NARS2: variants seen among roughly 807,000 people sequenced by gnomAD.
NARS2 encodes the protein asparaginyl-tRNA synthetase 2, mitochondrial, also known as asparaginyl-tRNA synthetase.
In NARS2, 60 loss-of-function variants were observed where a neutral mutation model predicts 62.9. The ratio of observed to expected loss-of-function variants is 0.95; its 90% CI spans 0.77 to 1.18. NARS2 has a LOEUF of 1.18. Among genes scored for constraint, NARS2 ranks in the 50% most tolerant of loss-of-function variants. NARS2 has a pLI of 0.00. For synonymous variants in NARS2, 196 were observed against 200.0 expected (o/e 0.98, Z 0.17); for missense variants, 619 against 576.4 (o/e 1.07, Z -0.76).
At chr11:78,570,335 T>C (rs1273702357) in intron 2 of NARS2, among the ~76,000 whole-genome samples, 4 of 152,236 alleles carry the variant, frequency 2.6e-5, no homozygotes, top group East Asian at 3.9e-4. Context: ...TCTAACAAAT[T>C]AGAATAATGT....
intron 11 of NARS2, among the ~76,000 whole-genome samples, chr11:78,454,127 GACA>G (rs113081078): frequency 0.045 from 6,828 of 152,184 alleles, 449 homozygotes; most frequent in African/African-American, 0.15. Context: ...CTTGAGAGAG[GACA>G]ACATTTCAGT....
chr11:78,553,822 G>A (rs1856223612), intron 5 of NARS2, among the ~76,000 whole-genome samples: 1 of 151,970 alleles, frequency 6.6e-6, no homozygotes, highest in African/African-American at 2.4e-5. Flanking sequence ...TGAAATCTCT[G>A]CCAGGATGGT....
chr11:78,487,407 AAG>A (rs1859628685), intron 7 of NARS2, among the ~76,000 whole-genome samples: 1 of 151,882 alleles, frequency 6.6e-6, no homozygotes, highest in Admixed American at 6.6e-5. Flanking sequence ...GAAAGAAAGA[AAG>A]AAAGACAGAC....
intron 4 of NARS2, among the ~76,000 whole-genome samples, chr11:78,561,107 A>G (rs1856543176): frequency 6.6e-6 from 1 of 152,300 alleles, no homozygotes; most frequent in Non-Finnish European, 1.5e-5. Flanking sequence ...TTTTTTTTAA[A>G]TCACACACCT....
chr11:78,525,864 C>G (rs970355044), intron 6 of NARS2, among the ~76,000 whole-genome samples: 6 of 152,112 alleles, frequency 3.9e-5, no homozygotes, highest in Middle Eastern at 3.2e-3. Flanking sequence ...ACGGGACAAG[C>G]CTTCGCCTCT....
chr11:78,441,267 G>A (rs1466758051), intron 12 of NARS2, 150 bp from the exon 13 acceptor site: 8 of 617,130 alleles, frequency 1.3e-5, no homozygotes, highest in Non-Finnish European at 1.9e-5. Flanking sequence ...TATAGTTGAG[G>A]AGCTGAAACC....
At chr11:78,565,213 C>T (rs1856703737) in intron 4 of NARS2, among the ~76,000 whole-genome samples, 1 of 152,090 alleles carries the variant, frequency 6.6e-6, no homozygotes. Flanking sequence ...GACAAAATGT[C>T]CTTAGTCATT....
chr11:78,554,946 A>G (rs1025231789), intron 5 of NARS2, among the ~76,000 whole-genome samples: 18 of 152,186 alleles, frequency 1.2e-4, no homozygotes, highest in Non-Finnish European at 5.9e-5. Context: ...TTCCTTCAAT[A>G]TCTAGTTTAT....
At chr11:78,452,490 C>G (rs2135168137) in intron 11 of NARS2, among the ~76,000 whole-genome samples, 1 of 152,256 alleles carries the variant, frequency 6.6e-6, no homozygotes, top group East Asian at 1.9e-4. Flanking sequence ...TCAATGCCGC[C>G]TTGACCTCCC....
chr11:78,534,141 T>C (rs1380803613), intron 5 of NARS2, among the ~76,000 whole-genome samples: 1 of 152,236 alleles, frequency 6.6e-6, no homozygotes, highest in East Asian at 1.9e-4. Flanking sequence ...TTTGTGTGGA[T>C]ATAAGTTTTC....
intron 7 of NARS2, among the ~76,000 whole-genome samples, chr11:78,482,818 A>G (rs1236559698): frequency 6.6e-6 from 1 of 152,200 alleles, no homozygotes; most frequent in Non-Finnish European, 1.5e-5. Context: ...AGGTACAAAG[A>G]GGAGCTAGAA....
At chr11:78,442,701 C>A (rs1270054638) in intron 12 of NARS2, among the ~76,000 whole-genome samples, 1 of 151,188 alleles carries the variant, frequency 6.6e-6, no homozygotes. Flanking sequence ...TTTAGGAAGT[C>A]ATTATGGCAT....
chr11:78,449,925 G>T (rs1389137112), intron 11 of NARS2, among the ~76,000 whole-genome samples: 1 of 152,164 alleles, frequency 6.6e-6, no homozygotes, highest in Admixed American at 6.5e-5. Flanking sequence ...TGTCCACCCT[G>T]GTCTAAAACT....
chr11:78,497,652 T>C (rs891594787), intron 6 of NARS2, among the ~76,000 whole-genome samples: 7 of 152,218 alleles, frequency 4.6e-5, no homozygotes, highest in African/African-American at 1.7e-4. Context: ...ACTACTGTTT[T>C]GTGTTCACTG....
chr11:78,448,319 C>CTTT lies in NARS2; in HGVS notation c.1165-4564_1165-4562dup, dbSNP rs72450922. Among the ~76,000 whole-genome samples, 80 of 141,014 alleles carry CTTT rather than the reference C, an allele frequency of 5.7e-4. 2 individuals carry two copies. The highest frequency in any genetic ancestry group is 4.7e-3 in the East Asian group (23 of 4,848). The allele number at this position is 141,014 out of a possible 152,430, so 92.5% of individuals were successfully genotyped here. Reference sequence around the variant, plus strand: ...ATGGGACAAGGGTGGGTAGTAATCACTTTTTTTTTTTTTTTGAGACGGACT... The same window carrying CTTT: ...ATGGGACAAGGGTGGGTAGTAATCACTTTTTTTTTTTTTTTTTTGAGACGGACT... On this transcript the variant is annotated intron_variant, in intron 11 of 13. Coordinates refer to ENST00000281038, the MANE Select transcript of NARS2 (RefSeq NM_024678.6).
At chr11:78,491,561 G>A (rs1278621719) in intron 7 of NARS2, among the ~76,000 whole-genome samples, 1 of 152,242 alleles carries the variant, frequency 6.6e-6, no homozygotes, top group Non-Finnish European at 1.5e-5. Context: ...GTTGATATGG[G>A]AAGGCACAAA....
At position 78,439,527 on chromosome 11, in the gene NARS2, G is replaced by A. The variant is rs906091232; in HGVS notation, c.1289+1564C>T. Among the ~76,000 whole-genome samples, 7 of 152,224 alleles carry A rather than the reference G, an allele frequency of 4.6e-5. No individual in the cohort carries two copies. In the East Asian group the frequency reaches 7.7e-4, roughly 17 times the overall value. On this transcript the variant is annotated intron_variant, in intron 13 of 13. Transcript: ENST00000281038. ...TCCACTCTATGTAGATACTTAACCT[G>A]TATTGTTTCATTTCATCCGCACAAT...
intron 5 of NARS2, among the ~76,000 whole-genome samples, chr11:78,540,187 T>C (rs948752388): frequency 1.3e-5 from 2 of 152,130 alleles, no homozygotes; most frequent in Admixed American, 6.5e-5. Context: ...AACCAAGAGC[T>C]ACCAAAAAAA....
chr11:78,548,744 G>A (rs946794405), intron 5 of NARS2, among the ~76,000 whole-genome samples: 2 of 152,106 alleles, frequency 1.3e-5, no homozygotes, highest in Non-Finnish European at 2.9e-5. Flanking sequence ...ATGACAGTGT[G>A]GGGAGCTCCT....
Sources: allele counts gnomAD v4.1 joint callset (sites outside exome capture counted in the v4.1 genomes callset), GRCh38; gene constraint gnomAD v4.1.1; transcripts MANE v1.5; gene names NCBI Gene and HGNC (gene_info 2026-07-23, HGNC 2026-07-21).